WDR19: variants seen among roughly 807,000 people sequenced by gnomAD.
WDR19 encodes the protein WD repeat-containing protein 19.
Under a neutral mutation model 180.0 loss-of-function variants are expected in WDR19, and 121 were observed. The ratio of observed to expected loss-of-function variants is 0.67; its 90% CI spans 0.58 to 0.78. WDR19 has a LOEUF of 0.78. Ranked by LOEUF, WDR19 falls within the 30% of genes least tolerant of loss-of-function variation. The pLI, the probability that WDR19 is intolerant of heterozygous loss-of-function variation, is 0.00. For synonymous variants in WDR19, 497 were observed against 540.7 expected (o/e 0.92, Z 1.12); for missense variants, 1,450 against 1,640.7 (o/e 0.88, Z 2.01).
At chr4:39,243,513 C>A (rs1051519838) in intron 21 of WDR19, among the ~76,000 whole-genome samples, 1 of 152,212 alleles carries the variant, frequency 6.6e-6, no homozygotes, top group African/African-American at 2.4e-5. Flanking sequence ...AGGTTTTTGA[C>A]ATTTTCTTTG....
At chr4:39,231,450 T>G (rs1730852880) in intron 17 of WDR19, among the ~76,000 whole-genome samples, 1 of 152,140 alleles carries the variant, frequency 6.6e-6, no homozygotes, top group Non-Finnish European at 1.5e-5. Context: ...ACTTCTAAAT[T>G]TATAGGAATA....
intron 26 of WDR19, 121 bp downstream of exon 26, chr4:39,254,151 A>G (rs1221189310): frequency 2.1e-6 from 2 of 940,018 alleles, no homozygotes; most frequent in Non-Finnish European, 2.9e-6. Context: ...AATGTTTACC[A>G]TTTATACATA....
intron 24 of WDR19, among the ~76,000 whole-genome samples, chr4:39,250,651 G>C (rs1002518933): frequency 5.3e-5 from 8 of 152,260 alleles, no homozygotes; most frequent in South Asian, 2.1e-4. Context: ...TAAGCAACTT[G>C]AGCAAAGTCT....
intron 4 of WDR19, among the ~76,000 whole-genome samples, chr4:39,190,119 GCTC>G (rs757056092): frequency 2.6e-5 from 4 of 152,146 alleles, no homozygotes; most frequent in Non-Finnish European, 5.9e-5. Flanking sequence ...CCATCTCTCA[GCTC>G]CTCTTTTCTC....
At chr4:39,185,169 A>C (rs1365664523) in intron 1 of WDR19, among the ~76,000 whole-genome samples, 1 of 152,200 alleles carries the variant, frequency 6.6e-6, no homozygotes, top group Non-Finnish European at 1.5e-5. Flanking sequence ...ACGTTTCTTG[A>C]TTGTTTCAAG....
At chr4:39,248,622 G>C (rs1177557561) in intron 24 of WDR19, among the ~76,000 whole-genome samples, 1 of 152,056 alleles carries the variant, frequency 6.6e-6, no homozygotes, top group East Asian at 1.9e-4. Flanking sequence ...CACGTGCAGA[G>C]ACACACATAG....
intron 21 of WDR19, among the ~76,000 whole-genome samples, chr4:39,242,513 G>GT (rs374477641): frequency 1.3e-5 from 2 of 152,076 alleles, no homozygotes; most frequent in African/African-American, 4.8e-5. Context: ...TAGTTGTGGG[G>GT]TTTTTTCTAT....
intron 14 of WDR19, among the ~76,000 whole-genome samples, chr4:39,221,177 A>G (rs1029571169): frequency 1.3e-5 from 2 of 152,154 alleles, no homozygotes; most frequent in African/African-American, 4.8e-5. Flanking sequence ...GTGATATGGA[A>G]AAATATGGAA....
Position 39,218,037 on chromosome 4 carries a change from G to A in WDR19, c.1411G>A (p.Ala471Thr). ...QEERETRLFP[A>T]VDDKCRILCH... is the part of the protein sequence containing the mutation. ...AGAACGTGAGACTCGGCTTTTCCCA[G>A]CAGTGGATGATAAGTGCCGTATCTT... The change falls in exon 14 of 37, where the codon GCA (alanine) becomes ACA (threonine). Residue 471 changes from alanine (A) to threonine (T), a missense_variant. Physicochemically the swap from Ala to Thr is moderately conservative, Grantham distance 58 (BLOSUM62 0). Transcript: ENST00000399820. 1 of 1,613,954 alleles carries A rather than the reference G, an allele frequency of 6.2e-7. No individual in the cohort carries two copies. Among genetic ancestry groups the A allele is most frequent in the Non-Finnish European group, 8.5e-7 (1 of 1,179,858 alleles).
In WDR19 at chr4:39,277,136, T is replaced by C. The variant is rs1250445688; in HGVS notation, c.3833T>C (p.Ile1278Thr). 2.5e-6 allele frequency: 4 copies of C among 1,607,024 alleles called. No homozygotes were observed. Among genetic ancestry groups the C allele is most frequent in the East Asian group, 2.2e-5 (1 of 44,736 alleles). The change falls in exon 34 of 37, where the codon ATT (isoleucine) becomes ACT (threonine). Residue 1278 changes from isoleucine to threonine, a missense_variant. By Grantham distance (89) the Ile-to-Thr change is moderately conservative. Transcript: ENST00000399820. ...PGCKNSIPYC[I>T]ATGRHMLKDD... ...TGTAAAAACAGTATCCCATATTGCATTGCAACAGTGAGTTCCTTTATAGTA... is the reference window on the plus strand; with the variant it reads ...TGTAAAAACAGTATCCCATATTGCACTGCAACAGTGAGTTCCTTTATAGTA...
At chr4:39,274,506 A>G (rs900145451) in intron 32 of WDR19, 1 of 321,870 alleles carries the variant, frequency 3.1e-6, no homozygotes, top group Admixed American at 4.3e-5. Context: ...GTCCTGTCAG[A>G]TGCAAAAAAT....
intron 9 of WDR19, 30 bp from the exon 10 acceptor site, chr4:39,214,570 TA>T (rs1339835342): frequency 7.7e-7 from 1 of 1,294,460 alleles, no homozygotes; most frequent in Non-Finnish European, 1.1e-6. Flanking sequence ...AGATCATATA[TA>T]TTTTTTAATA....
Position 39,232,212 on chromosome 4 carries a change from C to T in WDR19, c.2193C>T (p.Asn731=), listed in dbSNP as rs760172162. The T allele has an allele frequency of 1.1e-5, 18 of 1,613,460 alleles. No homozygotes were observed. Among genetic ancestry groups the T allele is most frequent in the East Asian group, 4.5e-5 (2 of 44,854 alleles). Residue 731 remains asparagine (N), a synonymous_variant, in exon 19 of 37, where the codon AAC becomes AAT. Transcript: ENST00000399820. ...CAGGACACCTTGCCATGTTTACCAA[C>T]GATTATAACCTGGCTCAGGACTTGT... ...LLAGHLAMFT[N]DYNLAQDLYL...
chr4:39,195,363 T>G (rs1376780649), intron 5 of WDR19, among the ~76,000 whole-genome samples: 1 of 77,928 alleles, frequency 1.3e-5, no homozygotes, highest in African/African-American at 3.7e-5. Flanking sequence ...TGAGACTTCA[T>G]CTCAAAAAAA....
intron 28 of WDR19, among the ~76,000 whole-genome samples, chr4:39,259,042 TG>T (rs1202884976): frequency 6.6e-6 from 1 of 152,136 alleles, no homozygotes; most frequent in Non-Finnish European, 1.5e-5. Flanking sequence ...CACTCCAGCC[TG>T]GGCAACAAGA....
Position 39,228,468 on chromosome 4 carries a change from G to C in WDR19, c.1778-18G>C, listed in dbSNP as rs1164145558. The C allele has an allele frequency of 6.2e-6, 10 of 1,611,792 alleles. No homozygotes were observed. The highest frequency in any genetic ancestry group is 8.5e-6 in the Non-Finnish European group (10 of 1,179,130). On this transcript the variant is annotated intron_variant, in intron 16 of 36. Coordinates refer to ENST00000399820, the MANE Select transcript of WDR19 (RefSeq NM_025132.4). ...GAGTATTAGCTTTCAGCATTGCGAT[G>C]TCTGTTTTATAATGTAGGAGCCAAG...
At chr4:39,201,289 A>C (rs1274603649) in intron 6 of WDR19, among the ~76,000 whole-genome samples, 1 of 152,206 alleles carries the variant, frequency 6.6e-6, no homozygotes, top group Admixed American at 6.5e-5. Context: ...GAGAAGAAAT[A>C]GAGTGTAAGA....
intron 3 of WDR19, 57 bp from the exon 4 acceptor site, chr4:39,189,597 CAA>C (rs1161296300): frequency 1.4e-6 from 2 of 1,421,128 alleles, no homozygotes; most frequent in East Asian, 5.2e-5. Context: ...ACAAAAATCA[CAA>C]ATAGTAATTT....
chr4:39,262,902 A>AT (rs1734427483), intron 28 of WDR19, among the ~76,000 whole-genome samples: 1 of 151,468 alleles, frequency 6.6e-6, no homozygotes, highest in Admixed American at 6.6e-5. Flanking sequence ...CCAATCCTCC[A>AT]TTTCTTTCTT....
Sources: gnomAD v4.1 joint callset for allele counts (sites outside exome capture counted in the v4.1 genomes callset) on GRCh38, gnomAD v4.1.1 for gene constraint, MANE v1.5 for transcripts, NCBI Gene and HGNC (gene_info 2026-07-23, HGNC 2026-07-21) for gene names.